Variants in CALN1 observed in about 807,000 individuals in gnomAD.
CALN1 encodes calcium-binding protein 8.
Under a neutral mutation model 30.6 loss-of-function variants are expected in CALN1, and 17 were observed. That is an observed-to-expected ratio of 0.56 (90% CI 0.38 to 0.83). CALN1 has a LOEUF of 0.83. Among genes scored for constraint, CALN1 ranks in the 40% least tolerant of loss-of-function variants. The pLI, the probability that CALN1 is intolerant of heterozygous loss-of-function variation, is 0.00. For missense variants in CALN1, 291 were observed against 354.9 expected, an observed-to-expected ratio of 0.82 and a Z score of 1.45; for synonymous variants, 156 against 131.4, an observed-to-expected ratio of 1.19 and a Z score of -1.28.
chr7:71,838,722 G>C (rs1011321921), intron 5 of CALN1, among the ~76,000 whole-genome samples: 65 of 152,292 alleles, frequency 4.3e-4, no homozygotes, highest in African/African-American at 1.5e-3. Flanking sequence ...CAGTTCTGGT[G>C]ATAGTGAGTG....
chr7:71,977,169 C>G (rs1169153543), intron 5 of CALN1, among the ~76,000 whole-genome samples: 2 of 152,074 alleles, frequency 1.3e-5, no homozygotes, highest in African/African-American at 2.4e-5. Flanking sequence ...CATTGGGCAC[C>G]CTTTTGCTTG....
chr7:72,280,257 G>A (rs753543963), intron 2 of CALN1, among the ~76,000 whole-genome samples: 16 of 152,024 alleles, frequency 1.1e-4, no homozygotes, highest in Non-Finnish European at 1.6e-4. Context: ...CCAAATGCTC[G>A]GGGCCCCAAA....
chr7:71,994,053 G>C (rs996260949), intron 5 of CALN1, among the ~76,000 whole-genome samples: 1 of 151,280 alleles, frequency 6.6e-6, no homozygotes, highest in Non-Finnish European at 1.5e-5. Flanking sequence ...ATCTGCAAAG[G>C]CCTAGAAAAA....
intron 5 of CALN1, among the ~76,000 whole-genome samples, chr7:71,960,252 A>C (rs1407290728): frequency 6.6e-6 from 1 of 152,160 alleles, no homozygotes; most frequent in Non-Finnish European, 1.5e-5. Flanking sequence ...ACATGTATAT[A>C]TTGCATCATG....
chr7:72,401,333 A>C (rs1806327115), intron 2 of CALN1, among the ~76,000 whole-genome samples: 1 of 152,088 alleles, frequency 6.6e-6, no homozygotes, highest in African/African-American at 2.4e-5. Context: ...CCTGGAGCCA[A>C]GACCTTGACC....
intron 5 of CALN1, among the ~76,000 whole-genome samples, chr7:71,956,986 C>T (rs1465955318): frequency 6.6e-6 from 1 of 152,184 alleles, no homozygotes; most frequent in Non-Finnish European, 1.5e-5. Context: ...GTGTGAGCCA[C>T]CACACCCAGC....
chr7:71,913,612 C>G (rs756844425), intron 5 of CALN1: 2 of 152,224 alleles, frequency 1.3e-5, no homozygotes, highest in Non-Finnish European at 2.9e-5. Context: ...CCTCTGTTAC[C>G]CAGGCTGGAA....
chr7:72,359,600 C>A (rs1803438538), intron 2 of CALN1, among the ~76,000 whole-genome samples: 1 of 152,086 alleles, frequency 6.6e-6, no homozygotes, highest in Non-Finnish European at 1.5e-5. Flanking sequence ...ATGCACTATT[C>A]CTGACAAAAA....
At chr7:72,428,630 C>A (rs891819882) in intron 1 of CALN1, among the ~76,000 whole-genome samples, 16 of 152,186 alleles carry the variant, frequency 1.1e-4, no homozygotes, top group African/African-American at 3.9e-4. Context: ...CTGCTGCTGG[C>A]GTGAGGCCAG....
upstream of CALN1, among the ~76,000 whole-genome samples, chr7:72,448,692 G>A (rs560872988): frequency 1.7e-4 from 26 of 151,684 alleles, no homozygotes; most frequent in East Asian, 2.7e-3. Context: ...TGCAACCTCC[G>A]TCTCCTGAGT....
chr7:72,271,575 A>AAAAAAAAAAATATATATATATATATATAT lies in CALN1; in HGVS notation c.244+7110_244+7111insATATATATATATATATATATTTTTTTTTT. Among the ~76,000 whole-genome samples, 11 of 52,120 alleles carry AAAAAAAAAAATATATATATATATATATAT rather than the reference A, an allele frequency of 2.1e-4. No homozygotes were observed. The South Asian group carries it at 4.6e-3, about 22-fold the overall frequency. 34.2% of individuals were successfully genotyped at this position (52,120 alleles called of 152,430 possible). ...CTGTGCCTGCCTTTTAAAAAAAAAAAATATATATATATATATATAGTTTTC... is the reference window on the plus strand; with the variant it reads ...CTGTGCCTGCCTTTTAAAAAAAAAAAAAAAAAAAAATATATATATATATATATATATATATATATATATATATAGTTTTC... On this transcript the variant is annotated intron_variant, in intron 3 of 6. Coordinates refer to ENST00000395275, the MANE Select transcript of CALN1 (RefSeq NM_031468.4).
At chr7:71,918,515 G>A (rs1050243787) in intron 5 of CALN1, among the ~76,000 whole-genome samples, 1 of 152,192 alleles carries the variant, frequency 6.6e-6, no homozygotes, top group Admixed American at 6.5e-5. Context: ...CCTACTGGGA[G>A]AACTGAGGCA....
intron 3 of CALN1, among the ~76,000 whole-genome samples, chr7:72,211,318 G>GT (rs1238940064): frequency 6.6e-6 from 1 of 152,056 alleles, no homozygotes; most frequent in African/African-American, 2.4e-5. Context: ...TGCTTTTGCT[G>GT]TAACTCTTCC....
At chr7:72,057,201 C>A (rs1803314950) in intron 4 of CALN1, among the ~76,000 whole-genome samples, 1 of 152,030 alleles carries the variant, frequency 6.6e-6, no homozygotes, top group Admixed American at 6.6e-5. Context: ...CCCAGTTTGG[C>A]CTCCCAAAAT....
chr7:72,290,720 T>C (rs1798422204), intron 2 of CALN1, among the ~76,000 whole-genome samples: 1 of 152,166 alleles, frequency 6.6e-6, no homozygotes. Flanking sequence ...TTAGAAGTAA[T>C]CTCCTCAAAT....
intron 2 of CALN1, among the ~76,000 whole-genome samples, chr7:72,323,676 A>AT (rs1491560933): frequency 1.0e-5 from 1 of 98,942 alleles, no homozygotes; most frequent in African/African-American, 3.0e-5. Context: ...AAAAAAAAAT[A>AT]AAAAATAAAG....
At chr7:72,054,155 T>C (rs1030327161) in intron 4 of CALN1, among the ~76,000 whole-genome samples, 12 of 152,070 alleles carry the variant, frequency 7.9e-5, no homozygotes, top group Admixed American at 2.0e-4. Flanking sequence ...TCTGGGTAGA[T>C]ACCCAGCAGT....
chr7:71,811,443 A>C lies in CALN1; in HGVS notation c.502-951T>G, dbSNP rs187454681. Among the ~76,000 whole-genome samples the C allele has an allele frequency of 1.2e-4, 16 of 128,564 alleles. No individual in the cohort carries two copies. The East Asian group carries it at 4.7e-3, about 38-fold the overall frequency. The allele number at this position is 128,564 out of a possible 152,430, so 84.3% of individuals were successfully genotyped here. Reference sequence around the variant, plus strand: ...AGGCTGGTCTCAAACTCCTGGCCTCAAGTACTCCTGCCTTGGCCTCCTGAA... The same window carrying C: ...AGGCTGGTCTCAAACTCCTGGCCTCCAGTACTCCTGCCTTGGCCTCCTGAA... On this transcript the variant is annotated intron_variant, in intron 5 of 6. Coordinates refer to ENST00000395275, the MANE Select transcript of CALN1 (RefSeq NM_031468.4).
intron 6 of CALN1, among the ~76,000 whole-genome samples, chr7:71,789,321 G>A (rs1315506949): frequency 6.6e-6 from 1 of 152,186 alleles, no homozygotes; most frequent in Non-Finnish European, 1.5e-5. Flanking sequence ...GGAGGCTGAG[G>A]TAGGAGAATC....
Sources: gnomAD v4.1 joint callset for allele counts (sites outside exome capture counted in the v4.1 genomes callset) on GRCh38, gnomAD v4.1.1 for gene constraint, MANE v1.5 for transcripts, NCBI Gene and HGNC (gene_info 2026-07-23, HGNC 2026-07-21) for gene names.